The following BCAP29 variants were observed in gnomAD, a reference collection of about 807,000 sequenced individuals.
BCAP29 encodes B-cell receptor-associated protein 29.
BCAP29 carries 34 observed loss-of-function variants against 31.8 expected under a neutral mutation model. The ratio of observed to expected loss-of-function variants is 1.07; its 90% CI spans 0.81 to 1.42. The LOEUF (loss-of-function observed/expected upper bound fraction) is 1.42, where lower values mean the gene tolerates loss of function less well. Ranked by LOEUF, BCAP29 falls within the 40% of genes most tolerant of loss-of-function variation. The pLI, the probability that BCAP29 is intolerant of heterozygous loss-of-function variation, is 0.00. For synonymous variants in BCAP29, 104 were observed against 91.3 expected (o/e 1.14, Z -0.79); for missense variants, 314 against 269.2 (o/e 1.17, Z -1.16).
At chr7:107,599,210 AATATATAT>A (rs61332689) in intron 5 of BCAP29, among the ~76,000 whole-genome samples, 1 of 126,312 alleles carries the variant, frequency 7.9e-6, no homozygotes, top group East Asian at 2.1e-4. Flanking sequence ...CATATTTATA[AATATATAT>A]ATACATAATT....
chr7:107,603,641 T>G (rs1262335171), intron 6 of BCAP29: 2 of 146,416 alleles, frequency 1.4e-5, no homozygotes, highest in Non-Finnish European at 3.0e-5. Context: ...AGAGTCTCAC[T>G]GTCACCCAGG....
intron 3 of BCAP29, among the ~76,000 whole-genome samples, chr7:107,591,803 ATTTGT>A (rs554517008): frequency 2.2e-4 from 33 of 152,216 alleles, no homozygotes; most frequent in Non-Finnish European, 3.1e-4. Context: ...CCAATCAAGT[ATTTGT>A]TTTATTTTAT....
chr7:107,618,605 A>C lies in BCAP29; in HGVS notation c.*242A>C, dbSNP rs773229529. The C allele has an allele frequency of 4.5e-6, 7 of 1,572,792 alleles. No homozygotes were observed. The Admixed American group carries it at 5.2e-5, about 12-fold the overall frequency. ...TGTTAAATACCATATTTACATATTG[A>C]TAATGTCATTGGTATATGGTGGCTG... On this transcript the variant is annotated 3_prime_UTR_variant, in exon 8 of 8. Coordinates refer to ENST00000005259, the MANE Select transcript of BCAP29 (RefSeq NM_018844.4).
At chr7:107,599,031 TA>T (rs1243924969) in intron 5 of BCAP29, among the ~76,000 whole-genome samples, 5 of 137,100 alleles carry the variant, frequency 3.6e-5, no homozygotes, top group African/African-American at 1.4e-4. Context: ...AAATTTATAT[TA>T]AAAATTTGTA....
rs562022484 is a variant in BCAP29, at chr7:107,604,077, T to C, written c.589+3572T>C. On this transcript the variant is annotated intron_variant, in intron 6 of 7. Coordinates refer to ENST00000005259, the MANE Select transcript of BCAP29 (RefSeq NM_018844.4). Reference sequence around the variant, plus strand: ...AGAAACTGAGTGTAAAGACCTATTATGGGTACCTAAGTATTAGCAGCACGC... The same window carrying C: ...AGAAACTGAGTGTAAAGACCTATTACGGGTACCTAAGTATTAGCAGCACGC... Among the ~76,000 whole-genome samples, 5 of 152,296 alleles carry C rather than the reference T, an allele frequency of 3.3e-5. No individual in the cohort carries two copies. In the South Asian group the frequency reaches 1.0e-3, roughly 32 times the overall value.
chr7:107,594,616 C>T (rs910127707), intron 4 of BCAP29, among the ~76,000 whole-genome samples: 2 of 152,170 alleles, frequency 1.3e-5, no homozygotes, highest in African/African-American at 4.8e-5. Context: ...ATTCTCCTGC[C>T]TCAGCCTCCT....
At chr7:107,595,803 G>C in intron 4 of BCAP29, 64 bp from the exon 5 acceptor site, 1 of 1,534,408 alleles carries the variant, frequency 6.5e-7, no homozygotes, top group Non-Finnish European at 8.8e-7. Context: ...ATTTGGCAAT[G>C]ACTGTTTTAA....
chr7:107,621,900 C>T (rs867216465), downstream of BCAP29: 2 of 534,516 alleles, frequency 3.7e-6, no homozygotes, highest in Admixed American at 1.9e-5. Flanking sequence ...TTACTGCTGC[C>T]ATAGTAAATT....
intron 3 of BCAP29, 29 bp downstream of exon 3, chr7:107,584,011 A>G: frequency 7.8e-7 from 1 of 1,276,148 alleles, no homozygotes. Flanking sequence ...CTTTGAATAA[A>G]TATAACTTTT....
At chr7:107,581,124 C>T (rs1178087414) in intron 2 of BCAP29, among the ~76,000 whole-genome samples, 2 of 152,126 alleles carry the variant, frequency 1.3e-5, no homozygotes, top group African/African-American at 2.4e-5. Flanking sequence ...TATAATAAAG[C>T]AACGATTATA....
intron 6 of BCAP29, among the ~76,000 whole-genome samples, chr7:107,608,810 T>C (rs1563139524): frequency 6.6e-6 from 1 of 152,262 alleles, no homozygotes; most frequent in Non-Finnish European, 1.5e-5. Flanking sequence ...ATTGTTCACC[T>C]GACATTTATC....
chr7:107,598,894 TACACACACACACACACAC>T (rs59376183), intron 5 of BCAP29, among the ~76,000 whole-genome samples: 41 of 139,110 alleles, frequency 2.9e-4, no homozygotes, highest in African/African-American at 2.4e-4. Flanking sequence ...CAATACAGTA[TACACACACACACACACAC>T]ACACACACAC....
intron 6 of BCAP29, among the ~76,000 whole-genome samples, chr7:107,601,500 T>G (rs1811171894): frequency 6.6e-6 from 1 of 152,128 alleles, no homozygotes; most frequent in Admixed American, 6.5e-5. Flanking sequence ...TCAGAAGCAA[T>G]AAGTTAAAAA....
intron 6 of BCAP29, among the ~76,000 whole-genome samples, chr7:107,607,363 G>A (rs1812292115): frequency 2.0e-5 from 3 of 152,058 alleles, no homozygotes; most frequent in Admixed American, 2.0e-4. Flanking sequence ...TAAATGCAGT[G>A]TTTAGGTAGT....
intron 5 of BCAP29, among the ~76,000 whole-genome samples, chr7:107,599,103 T>A (rs563889008): frequency 1.5e-5 from 2 of 132,758 alleles, no homozygotes; most frequent in Admixed American, 1.7e-4. Flanking sequence ...TATATAAATA[T>A]ATATTTATAA....
intron 4 of BCAP29, among the ~76,000 whole-genome samples, chr7:107,594,489 T>TTTTGTTTG (rs71134271): frequency 0.71 from 105,439 of 149,418 alleles, 37,246 homozygotes; most frequent in South Asian, 0.81. Context: ...CCTACTGTAG[T>TTTTGTTTG]TTTGTTTGTT....
At chr7:107,602,843 A>G (rs77592504) in intron 6 of BCAP29, among the ~76,000 whole-genome samples, 3,868 of 152,176 alleles carry the variant, frequency 0.025, 159 homozygotes, top group African/African-American at 0.088. Flanking sequence ...CCGTGCAGTA[A>G]TATCACCCTA....
chr7:107,593,894 A>G, intron 3 of BCAP29, 61 bp from the exon 4 acceptor site: 1 of 1,506,850 alleles, frequency 6.6e-7, no homozygotes, highest in Non-Finnish European at 8.9e-7. Flanking sequence ...ACTGCTTTCC[A>G]TTTTTAACAA....
intron 6 of BCAP29, among the ~76,000 whole-genome samples, chr7:107,606,786 A>G (rs1337962118): frequency 6.6e-6 from 1 of 152,268 alleles, no homozygotes; most frequent in Admixed American, 6.5e-5. Flanking sequence ...TCTTTTCATT[A>G]TAATTATGTT....
Sources: allele counts gnomAD v4.1 joint callset (sites outside exome capture counted in the v4.1 genomes callset), GRCh38; gene constraint gnomAD v4.1.1; transcripts MANE v1.5; gene names NCBI Gene and HGNC (gene_info 2026-07-23, HGNC 2026-07-21).